FAT3: variants seen among roughly 807,000 people sequenced by gnomAD.
FAT3 encodes protocadherin Fat 3.
Under a neutral mutation model 310.2 loss-of-function variants are expected in FAT3, and 95 were observed. The observed-to-expected ratio is 0.31, with a 90% CI of 0.26 to 0.36. The LOEUF is 0.36. Among genes scored for constraint, FAT3 ranks in the 10% least tolerant of loss-of-function variants. The pLI is 1.00. For synonymous variants in FAT3, 2,314 were observed against 2,192.9 expected (o/e 1.06, Z -1.54); for missense variants, 5,408 against 5,715.6 (o/e 0.95, Z 1.74).
intron 3 of FAT3, among the ~76,000 whole-genome samples, chr11:92,637,155 A>G (rs191990694): frequency 3.2e-4 from 48 of 152,322 alleles, no homozygotes; most frequent in Non-Finnish European, 6.2e-4. Context: ...AAGGGAAAAG[A>G]CATTTCCTCT....
intron 13 of FAT3, among the ~76,000 whole-genome samples, chr11:92,819,667 A>G (rs1947910316): frequency 6.6e-6 from 1 of 152,234 alleles, no homozygotes; most frequent in Admixed American, 6.5e-5. Context: ...AAGTTGTTGT[A>G]TAGTAATGTG....
At chr11:92,644,151 C>T (rs889079377) in intron 3 of FAT3, among the ~76,000 whole-genome samples, 2 of 152,354 alleles carry the variant, frequency 1.3e-5, no homozygotes, top group Admixed American at 1.3e-4. Flanking sequence ...TTTTGTCAGG[C>T]AGGCCAGGGG....
intron 2 of FAT3, among the ~76,000 whole-genome samples, chr11:92,359,029 A>T (rs948878782): frequency 6.6e-6 from 1 of 152,134 alleles, no homozygotes; most frequent in African/African-American, 2.4e-5. Flanking sequence ...AGTACACATG[A>T]GTCATCTACA....
chr11:92,872,398 T>C (rs1486266890), intron 22 of FAT3, among the ~76,000 whole-genome samples: 1 of 152,226 alleles, frequency 6.6e-6, no homozygotes, highest in Admixed American at 6.5e-5. Flanking sequence ...CTCCACCCAC[T>C]GGCTTACTGA....
intron 4 of FAT3, among the ~76,000 whole-genome samples, chr11:92,701,061 TG>T (rs1380221785): frequency 1.3e-5 from 2 of 152,186 alleles, no homozygotes; most frequent in African/African-American, 4.8e-5. Context: ...AAGGCCTAGG[TG>T]TGGGTAATTA....
At chr11:92,623,378 G>C (rs1275225669) in intron 3 of FAT3, among the ~76,000 whole-genome samples, 2 of 152,132 alleles carry the variant, frequency 1.3e-5, no homozygotes, top group Non-Finnish European at 2.9e-5. Flanking sequence ...TCAACACATA[G>C]CAGTACTCAT....
At chr11:92,830,069 T>C (rs1948202988) in intron 13 of FAT3, among the ~76,000 whole-genome samples, 1 of 152,168 alleles carries the variant, frequency 6.6e-6, no homozygotes, top group African/African-American at 2.4e-5. Flanking sequence ...CAAAAGACAT[T>C]TTCAGATGGT....
At chr11:92,685,896 A>C (rs889036073) in intron 3 of FAT3, among the ~76,000 whole-genome samples, 5 of 152,188 alleles carry the variant, frequency 3.3e-5, no homozygotes, top group African/African-American at 1.2e-4. Context: ...TGACTTATTC[A>C]GCATTTCTTC....
intron 3 of FAT3, among the ~76,000 whole-genome samples, chr11:92,580,105 T>A (rs891727807): frequency 1.3e-5 from 2 of 152,088 alleles, no homozygotes; most frequent in African/African-American, 4.8e-5. Context: ...TTTGTTAAAT[T>A]AGCATGAAAA....
intron 2 of FAT3, among the ~76,000 whole-genome samples, chr11:92,374,405 G>A (rs1949284314): frequency 6.6e-6 from 1 of 152,188 alleles, no homozygotes; most frequent in African/African-American, 2.4e-5. Flanking sequence ...TGTACAGGTG[G>A]TGGTGGGTTC....
rs528386913 is a variant in FAT3 at position 92,564,701 on chromosome 11, G to A, written c.3607+39753G>A. 5.9e-5 allele frequency among the ~76,000 whole-genome samples: 9 copies of A among 151,992 alleles called. No individual in the cohort carries two copies. In the South Asian group the frequency reaches 1.5e-3, roughly 25 times the overall value. On this transcript the variant is annotated intron_variant, in intron 3 of 27. Coordinates refer to ENST00000525166, the MANE Select transcript of FAT3 (RefSeq NM_001367949.2). ...AACAAACTATCTCTCAGACCACAGT[G>A]CAATCAAACTAGAACTCAGGATTAA...
At chr11:92,736,099 C>G (rs1160655082) in intron 4 of FAT3, among the ~76,000 whole-genome samples, 1 of 152,080 alleles carries the variant, frequency 6.6e-6, no homozygotes, top group Admixed American at 6.6e-5. Context: ...AAGGCACTGT[C>G]TGATCCTTCT....
At chr11:92,749,606 G>A (rs1197669055) in intron 4 of FAT3, among the ~76,000 whole-genome samples, 2 of 152,032 alleles carry the variant, frequency 1.3e-5, no homozygotes, top group Non-Finnish European at 2.9e-5. Context: ...CTTTATCCTG[G>A]GGTTCTTTGG....
At chr11:92,502,002 A>T (rs1343554789) in intron 2 of FAT3, among the ~76,000 whole-genome samples, 1 of 152,008 alleles carries the variant, frequency 6.6e-6, no homozygotes, top group Non-Finnish European at 1.5e-5. Context: ...CCTGTCTCTA[A>T]TAGGCTGTCA....
intron 22 of FAT3, 116 bp from the exon 23 acceptor site, chr11:92,880,615 T>G: frequency 1.7e-6 from 2 of 1,183,520 alleles, no homozygotes; most frequent in Non-Finnish European, 2.3e-6. Context: ...CTTTGGAATT[T>G]GGGCCCTTCC....
intron 1 of FAT3, among the ~76,000 whole-genome samples, chr11:92,351,273 A>G (rs1948558167): frequency 6.6e-6 from 1 of 152,174 alleles, no homozygotes; most frequent in Admixed American, 6.5e-5. Flanking sequence ...TGCATTATTC[A>G]TAAACCTTGA....
At chr11:92,566,765 C>G (rs1039926971) in intron 3 of FAT3, among the ~76,000 whole-genome samples, 26 of 152,040 alleles carry the variant, frequency 1.7e-4, no homozygotes, top group African/African-American at 5.8e-4. Context: ...TTTGACAAAC[C>G]TGAGAAAAAC....
At chr11:92,682,902 A>T (rs1943524350) in intron 3 of FAT3, among the ~76,000 whole-genome samples, 1 of 151,946 alleles carries the variant, frequency 6.6e-6, no homozygotes, top group African/African-American at 2.4e-5. Flanking sequence ...ACATGGCAAA[A>T]CCCAGTCTCT....
intron 2 of FAT3, among the ~76,000 whole-genome samples, chr11:92,396,633 G>T (rs189297050): frequency 6.6e-6 from 1 of 152,180 alleles, no homozygotes; most frequent in Non-Finnish European, 1.5e-5. Context: ...CAGCCATGGT[G>T]GGTCTCCCCA....
Sources: allele counts gnomAD v4.1 joint callset (sites outside exome capture counted in the v4.1 genomes callset), GRCh38; gene constraint gnomAD v4.1.1; transcripts MANE v1.5; gene names NCBI Gene and HGNC (gene_info 2026-07-23, HGNC 2026-07-21).